ABI3BP: variants seen among roughly 807,000 people sequenced by gnomAD.
ABI3BP encodes ABI family member 3 binding protein.
Under a neutral mutation model 268.6 loss-of-function variants are expected in ABI3BP, and 216 were observed. The observed-to-expected ratio is 0.80, with a 90% CI of 0.72 to 0.90. The LOEUF is 0.90. Among genes scored for constraint, ABI3BP ranks in the 40% least tolerant of loss-of-function variants. The pLI, the probability that ABI3BP is intolerant of heterozygous loss-of-function variation, is 0.00. For missense variants in ABI3BP, 2,090 were observed against 2,182.4 expected, an observed-to-expected ratio of 0.96 and a Z score of 0.84; for synonymous variants, 730 against 730.0, an observed-to-expected ratio of 1.00 and a Z score of 0.00.
rs1476252331 is a variant in ABI3BP, at chr3:100,775,350, C to G, written c.4334-15G>C. The G allele has an allele frequency of 1.9e-6, 3 of 1,592,502 alleles. No homozygotes were observed. Among genetic ancestry groups the G allele is most frequent in the Non-Finnish European group, 2.6e-6 (3 of 1,168,596 alleles). ...TGAAATGATTCCTGTAAAGTAGAGC[C>G]AAAGTAGTCAGGCTTTATAGGAACA... On this transcript the variant is annotated splice_polypyrimidine_tract_variant and intron_variant, in intron 59 of 67. Coordinates refer to ENST00000471714, the MANE Select transcript of ABI3BP (RefSeq NM_001375547.2).
chr3:100,921,924 A>C (rs1293457176), intron 2 of ABI3BP, among the ~76,000 whole-genome samples: 1 of 152,256 alleles, frequency 6.6e-6, no homozygotes, highest in Admixed American at 6.5e-5. Flanking sequence ...TGGTAAAATG[A>C]AAAATGATGG....
intron 20 of ABI3BP, among the ~76,000 whole-genome samples, chr3:100,844,766 G>A (rs2098748526): frequency 6.6e-6 from 1 of 152,212 alleles, no homozygotes; most frequent in Non-Finnish European, 1.5e-5. Context: ...TCATTACATT[G>A]CTGTTAGAGG....
At chr3:100,940,069 T>C (rs529119198) in intron 1 of ABI3BP, among the ~76,000 whole-genome samples, 1 of 152,224 alleles carries the variant, frequency 6.6e-6, no homozygotes, top group South Asian at 2.1e-4. Context: ...CCCTGAACAA[T>C]TGCTGTTATC....
intron 9 of ABI3BP, among the ~76,000 whole-genome samples, chr3:100,868,842 C>T (rs1022497699): frequency 2.9e-4 from 41 of 140,998 alleles, no homozygotes; most frequent in African/African-American, 5.9e-4. Context: ...ATTTTTAAAA[C>T]GTCTAAATTT....
At chr3:100,906,457 C>G (rs1272660780) in intron 2 of ABI3BP, among the ~76,000 whole-genome samples, 4 of 152,072 alleles carry the variant, frequency 2.6e-5, no homozygotes, top group African/African-American at 9.7e-5. Flanking sequence ...AAATAAGACT[C>G]AAGAGTAGGA....
chr3:100,774,666 T>C lies in ABI3BP; in HGVS notation c.4470A>G (p.Ile1490Met), dbSNP rs1334891468. The C allele has an allele frequency of 6.4e-7, 1 of 1,571,338 alleles. No homozygotes were observed. The highest frequency in any genetic ancestry group is 1.4e-5 in the African/African-American group (1 of 73,896). ...TTGTTGGGCTTGAGCTAAAGTCAGTTATATTTTCTGAGAATGGAAAATAAT... is the reference window on the plus strand; with the variant it reads ...TTGTTGGGCTTGAGCTAAAGTCAGTCATATTTTCTGAGAATGGAAAATAAT... ...VPASGEELEN[I>M]TDFSSSPTRE... Residue 1490 changes from isoleucine to methionine, a missense_variant, in exon 61 of 68, where the codon ATA becomes ATG. Transcript: ENST00000471714.
intron 30 of ABI3BP, 45 bp from the exon 31 acceptor site, chr3:100,832,395 T>A: frequency 6.7e-7 from 1 of 1,491,144 alleles, no homozygotes; most frequent in Non-Finnish European, 9.0e-7. Context: ...GATGGCTCCA[T>A]TCACTGTGAA....
At chr3:100,981,352 G>T (rs564525462) in intron 1 of ABI3BP, among the ~76,000 whole-genome samples, 6 of 152,322 alleles carry the variant, frequency 3.9e-5, no homozygotes, top group Non-Finnish European at 7.3e-5. Context: ...TGGTCAGCAG[G>T]AGTGGCTGGG....
chr3:100,840,076 T>C lies in ABI3BP; in HGVS notation c.1893A>G (p.Lys631=). Residue 631 remains lysine, a synonymous_variant, in exon 23 of 68, where the codon AAA becomes AAG. Transcript: ENST00000471714. ...TTPSPEVPKS[K]PALEPATIQP... ...GAACCTGAATATCACATTTACCGGG[T>C]TTGGACTTGGGCACTTCTGGACTAG... The C allele has an allele frequency of 6.5e-7, 1 of 1,530,714 alleles. No homozygotes were observed. The highest frequency in any genetic ancestry group is 2.5e-5 in the East Asian group (1 of 40,552). 94.8% of individuals were successfully genotyped at this position (1,530,714 alleles called of 1,614,324 possible).
chr3:100,819,158 G>A (rs866151227), intron 40 of ABI3BP, among the ~76,000 whole-genome samples: 7 of 152,098 alleles, frequency 4.6e-5, no homozygotes, highest in South Asian at 2.1e-4. Context: ...GCAAACTTCC[G>A]AGTCATATCT....
chr3:100,824,709 G>T, intron 36 of ABI3BP, 149 bp downstream of exon 36: 1 of 526,150 alleles, frequency 1.9e-6, no homozygotes, highest in Non-Finnish European at 3.2e-6. Context: ...CTCCTTGAAA[G>T]CTGAGCAGAG....
At position 100,754,647 on chromosome 3, in the gene ABI3BP, G is replaced by A. The variant is rs765125478; in HGVS notation, c.4895C>T (p.Pro1632Leu). The A allele has an allele frequency of 1.1e-5, 17 of 1,592,410 alleles. No individual in the cohort carries two copies. Among genetic ancestry groups the A allele is most frequent in the Non-Finnish European group, 1.3e-5 (15 of 1,168,518 alleles). Residue 1632 changes from proline to leucine, a missense_variant, in exon 64 of 68, where the codon CCG becomes CTG. Pro to Leu is a moderately conservative substitution (Grantham distance 98). Transcript: ENST00000471714. Reference sequence around the variant, plus strand: ...ACTGAATGCCACTGTGTTGCTGACCGGGCCTTCACCAAGCGGGTTTTTGGG... The same window carrying A: ...ACTGAATGCCACTGTGTTGCTGACCAGGCCTTCACCAAGCGGGTTTTTGGG... ...VKPKNPLGEG[P>L]VSNTVAFSTE...
chr3:100,782,610 C>G (rs2096903381), intron 57 of ABI3BP, among the ~76,000 whole-genome samples: 1 of 152,110 alleles, frequency 6.6e-6, no homozygotes, highest in African/African-American at 2.4e-5. Context: ...TCTGGACTTG[C>G]TCTCCTGCAC....
rs76464650 is a variant in ABI3BP at position 100,793,104 on chromosome 3, A to G, written c.3947-336T>C. On this transcript the variant is annotated intron_variant, in intron 54 of 67. Transcript: ENST00000471714. ...TTGCCTCGATGTATTTATCTCCTTC[A>G]TGTTTCTTTCCTGCCCATAAATCTC... 2.9e-3 allele frequency among the ~76,000 whole-genome samples: 447 copies of G among 151,854 alleles called. 3 individuals are homozygous for G. Among genetic ancestry groups the G allele is most frequent in the African/African-American group, 0.01 (429 of 41,450 alleles).
intron 57 of ABI3BP, among the ~76,000 whole-genome samples, chr3:100,783,877 G>T (rs1263506336): frequency 6.6e-6 from 1 of 152,202 alleles, no homozygotes; most frequent in Non-Finnish European, 1.5e-5. Context: ...CCCTTGGCCT[G>T]GTGTGTGCAT....
chr3:100,824,321 T>G (rs143706727), intron 36 of ABI3BP, among the ~76,000 whole-genome samples: 7 of 152,276 alleles, frequency 4.6e-5, no homozygotes, highest in Non-Finnish European at 1.0e-4. Context: ...CTTCCCTCCA[T>G]TCATCCAAAT....
intron 42 of ABI3BP, 48 bp downstream of exon 42, chr3:100,817,388 T>C: frequency 7.6e-7 from 1 of 1,312,426 alleles, no homozygotes; most frequent in African/African-American, 1.5e-5. Context: ...TGGAATGGAT[T>C]TGAAAATAAG....
chr3:100,791,580 G>A (rs893542343), intron 55 of ABI3BP, among the ~76,000 whole-genome samples: 19 of 151,854 alleles, frequency 1.3e-4, no homozygotes, highest in Non-Finnish European at 1.2e-4. Context: ...CGGAACATCT[G>A]TTCATTGCTG....
intron 4 of ABI3BP, among the ~76,000 whole-genome samples, chr3:100,890,945 T>C (rs776876834): frequency 2.6e-5 from 4 of 151,862 alleles, no homozygotes; most frequent in Non-Finnish European, 5.9e-5. Context: ...TTTAGGTCAT[T>C]AATATCTTTG....
Sources: allele counts gnomAD v4.1 joint callset (sites outside exome capture counted in the v4.1 genomes callset), GRCh38; gene constraint gnomAD v4.1.1; transcripts MANE v1.5; gene names NCBI Gene and HGNC (gene_info 2026-07-23, HGNC 2026-07-21).